FRMPD4: variants seen among roughly 807,000 people sequenced by gnomAD.
FRMPD4 encodes the protein FERM and PDZ domain containing 4, also known as FERM and PDZ domain-containing protein 4.
A neutral mutation model predicts 94.1 loss-of-function variants in FRMPD4; 22 were observed. The observed-to-expected ratio is 0.23, with a 90% CI of 0.17 to 0.33. FRMPD4 has a LOEUF of 0.33. Ranked by LOEUF, FRMPD4 falls within the 10% of genes least tolerant of loss-of-function variation. FRMPD4 has a pLI of 1.00. For synonymous variants in FRMPD4, 631 were observed against 548.6 expected, an observed-to-expected ratio of 1.15 and a Z score of -2.10; for missense variants, 1,111 against 1,339.9, an observed-to-expected ratio of 0.83 and a Z score of 2.67.
chrX:12,130,607 A>T (rs1167962134), intron 3 of FRMPD4, among the ~76,000 whole-genome samples: 3 of 111,274 alleles, frequency 2.7e-5, no homozygotes, highest in African/African-American at 9.8e-5. Context: ...TAAAATAATA[A>T]ATTTATGAAT....
chrX:11,829,552 T>C (rs1032639655), intron 1 of FRMPD4, among the ~76,000 whole-genome samples: 3 of 111,908 alleles, frequency 2.7e-5, no homozygotes, highest in African/African-American at 9.7e-5. Context: ...ATGTACCCCC[T>C]GAATCTAAAA....
intron 9 of FRMPD4, among the ~76,000 whole-genome samples, chrX:12,700,642 A>G (rs2060178896): frequency 8.9e-6 from 1 of 112,551 alleles, no homozygotes; most frequent in Non-Finnish European, 1.9e-5. Context: ...AAAGTCAGGC[A>G]CTTGAAAAAG....
intron 11 of FRMPD4, 33 bp downstream of exon 11, chrX:12,704,518 A>C (rs1470793563): frequency 1.2e-5 from 12 of 1,009,506 alleles, no homozygotes; most frequent in Non-Finnish European, 1.6e-5. Context: ...GAAAATTATA[A>C]AGAGAGAGGC....
At chrX:12,446,745 C>G (rs2057200274) in intron 1 of FRMPD4, among the ~76,000 whole-genome samples, 1 of 111,846 alleles carries the variant, frequency 8.9e-6, no homozygotes, top group African/African-American at 3.3e-5. Context: ...GGAACTGAGT[C>G]CATTAAACCT....
At chrX:12,636,489 G>A (rs966589660) in intron 4 of FRMPD4, among the ~76,000 whole-genome samples, 1 of 94,438 alleles carries the variant, frequency 1.1e-5, no homozygotes, top group Non-Finnish European at 2.2e-5. Flanking sequence ...CTCTTTCTGT[G>A]ATATAAGCAG....
chrX:12,136,904 CACACACACACACACACACACAT>C (rs1180935178), upstream of FRMPD4, among the ~76,000 whole-genome samples: 6 of 100,186 alleles, frequency 6.0e-5, no homozygotes, highest in South Asian at 9.1e-4. Context: ...CACACACACA[CACACACACACACACACACACAT>C]ACACACACAC....
chrX:12,528,825 C>G (rs192921311), intron 2 of FRMPD4, among the ~76,000 whole-genome samples: 46 of 112,263 alleles, frequency 4.1e-4, no homozygotes, highest in African/African-American at 1.4e-3. Flanking sequence ...CTGTAAAAAT[C>G]CAGTGTTAGG....
chrX:12,677,748 G>C (rs752605648), intron 5 of FRMPD4, among the ~76,000 whole-genome samples: 3 of 111,765 alleles, frequency 2.7e-5, no homozygotes, highest in Non-Finnish European at 5.6e-5. Flanking sequence ...ATGTGCCCAG[G>C]GTACCTCAAC....
At chrX:12,463,426 T>C (rs938980164) in intron 1 of FRMPD4, among the ~76,000 whole-genome samples, 2 of 112,117 alleles carry the variant, frequency 1.8e-5, no homozygotes, top group Non-Finnish European at 3.8e-5. Flanking sequence ...ACCAGATATG[T>C]TCCTTTGCAA....
chrX:12,701,052 G>GT (rs1315964843), intron 9 of FRMPD4, among the ~76,000 whole-genome samples: 1 of 103,872 alleles, frequency 9.6e-6, no homozygotes, highest in African/African-American at 3.5e-5. Flanking sequence ...AGCTTTTGGG[G>GT]TTTTGTTTTG....
rs566550884 is a variant in FRMPD4, at chrX:12,245,512, C to CTT, written c.41+106520_41+106521dup. Among the ~76,000 whole-genome samples, 306 of 67,515 alleles carry CTT rather than the reference C, an allele frequency of 4.5e-3. 7 individuals are homozygous for CTT. The highest frequency in any genetic ancestry group is 0.01 in the Middle Eastern group (1 of 100). 58.6% of individuals were successfully genotyped at this position (67,515 alleles called of 115,157 possible). A position where few individuals can be genotyped will look rare whatever the true frequency, so the allele number is the denominator to read the frequency against. The stretch of plus-strand genomic sequence containing the variant: ...AATCTCTTCTCCTCTCTTATGTCCT[C>CTT]TTTTTTTTTTTTTTTTTTTTTCAAG... On this transcript the variant is annotated intron_variant, in intron 1 of 16. Transcript: ENST00000675598.
intron 1 of FRMPD4, among the ~76,000 whole-genome samples, chrX:12,435,035 G>A (rs143029442): frequency 8.9e-6 from 1 of 111,827 alleles, no homozygotes; most frequent in South Asian, 3.8e-4. Context: ...CTTGAACATA[G>A]TATGTTACTA....
chrX:12,022,964 G>C (rs1275371112), intron 3 of FRMPD4, among the ~76,000 whole-genome samples: 1 of 110,645 alleles, frequency 9.0e-6, no homozygotes, highest in Non-Finnish European at 1.9e-5. Flanking sequence ...ATCCCTGTCT[G>C]CACTATGCTA....
At chrX:11,891,414 G>C (rs1041612158) in intron 3 of FRMPD4, among the ~76,000 whole-genome samples, 1 of 112,543 alleles carries the variant, frequency 8.9e-6, no homozygotes, top group African/African-American at 3.2e-5. Flanking sequence ...TGAGGGACAA[G>C]TGCAAGGCAA....
intron 1 of FRMPD4, among the ~76,000 whole-genome samples, chrX:12,448,321 G>A (rs2057225371): frequency 9.0e-6 from 1 of 111,613 alleles, no homozygotes; most frequent in Non-Finnish European, 1.9e-5. Context: ...CATGTTATCG[G>A]ACAATAAGAG....
chrX:12,636,905 G>T lies in FRMPD4; in HGVS notation c.422+22024G>T, dbSNP rs185079886. On this transcript the variant is annotated intron_variant, in intron 4 of 16. Transcript: ENST00000675598. ...TCTCAACATAAACCTAATAGTCTTTGTTAGTTTCTTGGCTTTCTGATATGA... is the reference window on the plus strand; with the variant it reads ...TCTCAACATAAACCTAATAGTCTTTTTTAGTTTCTTGGCTTTCTGATATGA... Among the ~76,000 whole-genome samples, 32 of 111,573 alleles carry T rather than the reference G, an allele frequency of 2.9e-4. No individual in the cohort carries two copies. In the East Asian group the frequency reaches 6.2e-3, roughly 22 times the overall value.
upstream of FRMPD4, among the ~76,000 whole-genome samples, chrX:12,135,328 A>G (rs140716206): frequency 1.6e-4 from 18 of 110,215 alleles, 2 homozygotes; most frequent in East Asian, 4.5e-3. Flanking sequence ...CCTGGCACAG[A>G]GAGGGGACAG....
intron 1 of FRMPD4, among the ~76,000 whole-genome samples, chrX:12,195,743 G>A (rs1254382131): frequency 2.7e-5 from 3 of 111,994 alleles, no homozygotes; most frequent in Non-Finnish European, 3.8e-5. Context: ...CCTGCAAGCC[G>A]ATCCTTCTGA....
At chrX:12,386,017 T>G (rs1569255724) in intron 1 of FRMPD4, among the ~76,000 whole-genome samples, 1 of 112,653 alleles carries the variant, frequency 8.9e-6, no homozygotes, top group Non-Finnish European at 1.9e-5. Context: ...AGGTGAGCTT[T>G]GAGATTACCC....
Sources: gnomAD v4.1 joint callset for allele counts (sites outside exome capture counted in the v4.1 genomes callset) on GRCh38, gnomAD v4.1.1 for gene constraint, MANE v1.5 for transcripts, NCBI Gene and HGNC (gene_info 2026-07-23, HGNC 2026-07-21) for gene names.